HS6ST3: variants seen among roughly 807,000 people sequenced by gnomAD.
HS6ST3 encodes the protein heparan-sulfate 6-O-sulfotransferase 3.
HS6ST3 carries 12 observed loss-of-function variants against 36.7 expected under a neutral mutation model. That is an observed-to-expected ratio of 0.33 (90% CI 0.21 to 0.53). The LOEUF is 0.53. Ranked by LOEUF, HS6ST3 falls within the 20% of genes least tolerant of loss-of-function variation. The probability of loss-of-function intolerance (pLI) is 0.95; values close to 1 mark genes in which losing one functional copy is unlikely to be tolerated. For missense variants in HS6ST3, 584 were observed against 640.9 expected, an observed-to-expected ratio of 0.91 and a Z score of 0.96; for synonymous variants, 240 against 257.5, an observed-to-expected ratio of 0.93 and a Z score of 0.65.
chr13:96,734,171 T>G (rs1325337814), intron 1 of HS6ST3, among the ~76,000 whole-genome samples: 1 of 152,226 alleles, frequency 6.6e-6, no homozygotes, highest in African/African-American at 2.4e-5. Flanking sequence ...AGATCTGTCA[T>G]TTCAGTGCAT....
At chr13:96,701,420 G>A (rs1465744731) in intron 1 of HS6ST3, among the ~76,000 whole-genome samples, 2 of 152,144 alleles carry the variant, frequency 1.3e-5, no homozygotes, top group Non-Finnish European at 2.9e-5. Context: ...AATTAGAAGA[G>A]GCTGGGTTTT....
chr13:96,687,763 T>G (rs1432530575), intron 1 of HS6ST3, among the ~76,000 whole-genome samples: 5 of 151,986 alleles, frequency 3.3e-5, no homozygotes, highest in Non-Finnish European at 7.4e-5. Context: ...ACTCTCCATC[T>G]TTTTAGGCAT....
intron 1 of HS6ST3, among the ~76,000 whole-genome samples, chr13:96,489,795 G>C (rs906466721): frequency 6.6e-6 from 1 of 152,016 alleles, no homozygotes; most frequent in Non-Finnish European, 1.5e-5. Flanking sequence ...TATACATTTG[G>C]AGCAGATTTT....
chr13:96,700,047 C>T (rs537035110), intron 1 of HS6ST3, among the ~76,000 whole-genome samples: 1 of 152,310 alleles, frequency 6.6e-6, no homozygotes, highest in African/African-American at 2.4e-5. Context: ...AATTTATTGA[C>T]AGTCTGGACC....
intron 1 of HS6ST3, among the ~76,000 whole-genome samples, chr13:96,260,644 T>C (rs1195609190): frequency 6.7e-6 from 1 of 149,732 alleles, no homozygotes; most frequent in Admixed American, 6.7e-5. Context: ...CTTTTTTTCT[T>C]TTCTTTTTTT....
chr13:96,483,214 G>T (rs890222378), intron 1 of HS6ST3, among the ~76,000 whole-genome samples: 1 of 152,196 alleles, frequency 6.6e-6, no homozygotes, highest in African/African-American at 2.4e-5. Context: ...ATGTATGACG[G>T]TCAGGGAAGT....
intron 1 of HS6ST3, among the ~76,000 whole-genome samples, chr13:96,612,578 T>C (rs2056460487): frequency 6.6e-6 from 1 of 152,162 alleles, no homozygotes. Flanking sequence ...CTTAAAATGC[T>C]CACAAATGAA....
chr13:96,265,533 A>C (rs1346335916), intron 1 of HS6ST3, among the ~76,000 whole-genome samples: 1 of 152,060 alleles, frequency 6.6e-6, no homozygotes, highest in Non-Finnish European at 1.5e-5. Context: ...CACTCCAGCT[A>C]TTTTATGTAG....
intron 1 of HS6ST3, among the ~76,000 whole-genome samples, chr13:96,567,147 C>T (rs2056284258): frequency 6.6e-6 from 1 of 152,114 alleles, no homozygotes; most frequent in Middle Eastern, 3.4e-3. Context: ...TATCTTCTCT[C>T]TTCTTTTTTT....
At chr13:96,734,153 C>T (rs1449034120) in intron 1 of HS6ST3, among the ~76,000 whole-genome samples, 1 of 152,206 alleles carries the variant, frequency 6.6e-6, no homozygotes. Flanking sequence ...TCCATGAGGA[C>T]ACGAACCAGA....
At chr13:96,541,758 C>T (rs544361432) in intron 1 of HS6ST3, among the ~76,000 whole-genome samples, 2 of 152,268 alleles carry the variant, frequency 1.3e-5, no homozygotes, top group Non-Finnish European at 2.9e-5. Context: ...TATATAAGAA[C>T]GTTTGCCCAG....
intron 1 of HS6ST3, among the ~76,000 whole-genome samples, chr13:96,193,753 A>G (rs1566283300): frequency 1.3e-5 from 2 of 152,220 alleles, no homozygotes; most frequent in Non-Finnish European, 2.9e-5. Flanking sequence ...ATTTGAATGT[A>G]CATTGCATAA....
At chr13:96,599,299 T>C (rs2056413031) in intron 1 of HS6ST3, among the ~76,000 whole-genome samples, 1 of 152,082 alleles carries the variant, frequency 6.6e-6, no homozygotes, top group South Asian at 2.1e-4. Context: ...TTTTTAAAAT[T>C]ACTTATTCAT....
chr13:96,663,847 A>G (rs1377527682), intron 1 of HS6ST3, among the ~76,000 whole-genome samples: 8 of 152,200 alleles, frequency 5.3e-5, no homozygotes, highest in Non-Finnish European at 1.2e-4. Context: ...ACCACAAAAC[A>G]TTATCCTAAG....
At chr13:96,774,719 A>G (rs1877346431) in intron 1 of HS6ST3, among the ~76,000 whole-genome samples, 1 of 152,160 alleles carries the variant, frequency 6.6e-6, no homozygotes, top group Non-Finnish European at 1.5e-5. Context: ...GGGTACCTGA[A>G]AGTGACGGGG....
At position 96,303,744 on chromosome 13, in the gene HS6ST3, A is replaced by G. The variant is rs561021875; in HGVS notation, c.707+212175A>G. Among the ~76,000 whole-genome samples, 4 of 152,320 alleles carry G rather than the reference A, an allele frequency of 2.6e-5. No individual in the cohort carries two copies. In the East Asian group the frequency reaches 7.7e-4, roughly 29 times the overall value. On this transcript the variant is annotated intron_variant, in intron 1 of 1. Transcript: ENST00000376705. ...TAAATCTGTGAAAGAATTGAGTGAG[A>G]GTTTTGCATTGATTTTGGCTGTGAT...
chr13:96,139,591 TA>T (rs2054019969), intron 1 of HS6ST3, among the ~76,000 whole-genome samples: 1 of 143,456 alleles, frequency 7.0e-6, no homozygotes, highest in Admixed American at 7.0e-5. Context: ...TAATTTGGTA[TA>T]TATATAAGGA....
chr13:96,296,262 C>G, intron 1 of HS6ST3, among the ~76,000 whole-genome samples: 1 of 152,240 alleles, frequency 6.6e-6, no homozygotes, highest in Middle Eastern at 3.4e-3. Context: ...ATACTCTACA[C>G]TTGTAAAAGG....
intron 1 of HS6ST3, among the ~76,000 whole-genome samples, chr13:96,759,934 C>G (rs1442063923): frequency 1.3e-5 from 2 of 151,924 alleles, no homozygotes; most frequent in Non-Finnish European, 2.9e-5. Context: ...TATTAGAGCC[C>G]CAAGCAACTC....
Sources: allele counts gnomAD v4.1 joint callset (sites outside exome capture counted in the v4.1 genomes callset), GRCh38; gene constraint gnomAD v4.1.1; transcripts MANE v1.5; gene names NCBI Gene and HGNC (gene_info 2026-07-23, HGNC 2026-07-21).